The following NXPH4 variants were observed in gnomAD, a reference collection of about 807,000 sequenced individuals.
NXPH4 encodes neurexophilin 4.
Under a neutral mutation model 21.3 loss-of-function variants are expected in NXPH4, and 8 were observed. That is an observed-to-expected ratio of 0.38 (90% confidence interval 0.22 to 0.68). The LOEUF (loss-of-function observed/expected upper bound fraction) is 0.68, where lower values mean the gene tolerates loss of function less well. Among genes scored for constraint, NXPH4 ranks in the 30% least tolerant of loss-of-function variants. The pLI is 0.53. For synonymous variants in NXPH4, 219 were observed against 192.6 expected (o/e 1.14, Z -1.13); for missense variants, 418 against 416.8 (o/e 1.00, Z -0.03).
chr12:57,218,423 G>A (rs540363985), intron 1 of NXPH4, among the ~76,000 whole-genome samples: 5 of 152,180 alleles, frequency 3.3e-5, no homozygotes, highest in African/African-American at 9.7e-5. Flanking sequence ...AGTGGGGGGG[G>A]TCTGTGCCCT....
rs1164455277 is a variant in NXPH4 at position 57,218,154 on chromosome 12, T to C, written c.57+1128T>C. Among the ~76,000 whole-genome samples, 12 of 152,292 alleles carry C rather than the reference T, an allele frequency of 7.9e-5. No individual in the cohort carries two copies. The East Asian group carries it at 2.3e-3, about 29-fold the overall frequency. On this transcript the variant is annotated intron_variant, in intron 1 of 1. Coordinates refer to ENST00000349394, the MANE Select transcript of NXPH4 (RefSeq NM_007224.4). ...CCTCATTCTCTGTACCCTCAGCCCC[T>C]GTAGAGTCTAGAAGGGGTGTATTTC... is the stretch of plus-strand genomic sequence containing the variant.
intron 1 of NXPH4, 82 bp downstream of exon 1, chr12:57,217,108 G>A: frequency 8.5e-7 from 1 of 1,173,662 alleles, no homozygotes; most frequent in Non-Finnish European, 1.2e-6. Context: ...GGCTCCGTGC[G>A]CCCGCCCCGC....
At position 57,225,046 on chromosome 12, in the gene NXPH4, G is replaced by T; in HGVS notation, c.226G>T (p.Ala76Ser). Residue 76 changes from alanine (A) to serine (S), a missense_variant, in exon 2 of 2, where the codon GCG (alanine) becomes TCG (serine). Coordinates refer to ENST00000349394, the MANE Select transcript of NXPH4 (RefSeq NM_007224.4). ...GGCCTGGCCGACCAACCACACGGGG[G>T]CGCTGGCCCGGGCAGGGGCAGCCGG... ...SWAWPTNHTG[A>S]LARAGAAGAL... 6.8e-7 allele frequency: 1 copy of T among 1,478,882 alleles called. No homozygotes were observed. Among genetic ancestry groups the T allele is most frequent in the Non-Finnish European group, 9.0e-7 (1 of 1,112,738 alleles). The allele number at this position is 1,478,882 out of a possible 1,614,324, so 91.6% of individuals were successfully genotyped here.
Position 57,216,879 on chromosome 12 carries a change from C to T in NXPH4, c.-91C>T, listed in dbSNP as rs2037043648. 1 of 853,134 alleles carries T rather than the reference C, an allele frequency of 1.2e-6. No individual in the cohort carries two copies. The highest frequency in any genetic ancestry group is 1.5e-6 in the Non-Finnish European group (1 of 680,468). The allele number at this position is 853,134 out of a possible 1,614,324, so 52.8% of individuals were successfully genotyped here. Reference sequence around the variant, plus strand: ...GCCGCTCCCGCCGCTCCCGCAGCCGCCCCGCCGCCCGCCCGGAGCCCCGCG... The same window carrying T: ...GCCGCTCCCGCCGCTCCCGCAGCCGTCCCGCCGCCCGCCCGGAGCCCCGCG... On this transcript the variant is annotated 5_prime_UTR_variant, in exon 1 of 2. Transcript: ENST00000349394. The surrounding 1 kb of genome is among the most constrained non-coding windows in gnomAD (Gnocchi z 5.3).
At chr12:57,222,515 TA>T (rs1461347253) in intron 1 of NXPH4, among the ~76,000 whole-genome samples, 7 of 152,184 alleles carry the variant, frequency 4.6e-5, no homozygotes, top group East Asian at 3.9e-4. Context: ...GGCATGGGGA[TA>T]GGGGGGACCT....
intron 1 of NXPH4, among the ~76,000 whole-genome samples, chr12:57,220,251 TCCTCCA>T (rs2037077666): frequency 6.6e-6 from 1 of 151,614 alleles, no homozygotes; most frequent in South Asian, 2.1e-4. Flanking sequence ...CGCCTGCCCC[TCCTCCA>T]CCTCCACCCC....
At chr12:57,221,435 G>C (rs1207654847) in intron 1 of NXPH4, 1 of 441,262 alleles carries the variant, frequency 2.3e-6, no homozygotes, top group Non-Finnish European at 4.6e-6. Context: ...CGGCTGGGGG[G>C]CTGACAGCCT....
chr12:57,217,483 G>A (rs2037051933), intron 1 of NXPH4, among the ~76,000 whole-genome samples: 1 of 152,210 alleles, frequency 6.6e-6, no homozygotes, highest in South Asian at 2.1e-4. Flanking sequence ...TCTGTGTCGG[G>A]AGCATCCATG....
chr12:57,224,837 G>A lies in NXPH4; in HGVS notation c.58-41G>A, dbSNP rs2037125326. ...ATAGGGCTCTGGCAGGATGGCGGGGGACAACCCCAGCGTCTCTCTCTCCTC... is the reference window on the plus strand; with the variant it reads ...ATAGGGCTCTGGCAGGATGGCGGGGAACAACCCCAGCGTCTCTCTCTCCTC... On this transcript the variant is annotated intron_variant, in intron 1 of 1. Coordinates refer to ENST00000349394, the MANE Select transcript of NXPH4 (RefSeq NM_007224.4). 5 of 625,344 alleles carry A rather than the reference G, an allele frequency of 8.0e-6. No individual in the cohort carries two copies. The East Asian group carries it at 1.5e-4, about 19-fold the overall frequency. The allele number at this position is 625,344 out of a possible 1,614,324, so 38.7% of individuals were successfully genotyped here. A position where few individuals can be genotyped will look rare whatever the true frequency, so the allele number is the denominator to read the frequency against.
chr12:57,225,389 G>C lies in NXPH4; in HGVS notation c.569G>C (p.Gly190Ala). The change falls in exon 2 of 2, where the codon GGG becomes GCG. Residue 190 changes from glycine to alanine, a missense_variant. Transcript: ENST00000349394. ...CTGGAGGGGGTGCTTCCTGGGCTGG[G>C]GCCCCCGCTGGGGATGGCAGCAGCA... Reference protein sequence around the residue: ...LALEGVLPGLGPPLGMAAAAA... With the variant: ...LALEGVLPGLAPPLGMAAAAA... 2 of 1,596,598 alleles carry C rather than the reference G, an allele frequency of 1.3e-6. No individual in the cohort carries two copies. Among genetic ancestry groups the C allele is most frequent in the South Asian group, 1.1e-5 (1 of 89,510 alleles).
chr12:57,216,821 T>G lies in NXPH4; in HGVS notation c.-149T>G. 4.0e-6 allele frequency: 1 copy of G among 251,162 alleles called. No individual in the cohort carries two copies. Among genetic ancestry groups the G allele is most frequent in the Non-Finnish European group, 5.1e-6 (1 of 195,442 alleles). 15.6% of individuals were successfully genotyped at this position (251,162 alleles called of 1,614,324 possible). On this transcript the variant is annotated 5_prime_UTR_variant, in exon 1 of 2. Transcript: ENST00000349394. This position sits in a 1 kb window ranked among gnomAD's most constrained non-coding sequence, Gnocchi z 5.3. Reference sequence around the variant, plus strand: ...CGCCGGCTCCGCGCCTCGCGCCCAGTCCGCGGGCCGCGCCGCCGCTCCCGC... The same window carrying G: ...CGCCGGCTCCGCGCCTCGCGCCCAGGCCGCGGGCCGCGCCGCCGCTCCCGC...
chr12:57,221,211 C>G (rs755673069), intron 1 of NXPH4: 2 of 404,112 alleles, frequency 4.9e-6, no homozygotes, highest in African/African-American at 4.1e-5. Context: ...CATCTCTATC[C>G]CTCGTTCCCA....
rs565069130 is a variant in NXPH4, at chr12:57,220,175, A to T, written c.57+3149A>T. Among the ~76,000 whole-genome samples, 4 of 152,214 alleles carry T rather than the reference A, an allele frequency of 2.6e-5. No homozygotes were observed. The South Asian group carries it at 8.3e-4, about 32-fold the overall frequency. On this transcript the variant is annotated intron_variant, in intron 1 of 1. Transcript: ENST00000349394. ...GGCGTGGGGTGGGAAGCAGCTGCCC[A>T]GTGGGGATGGGGAGCAGGGAGCGCT...
rs370212931 is a variant in NXPH4, at chr12:57,220,557, G to C, written c.57+3531G>C. ...AGGCAGGCAGGGGTAGAGGGAGGGG[G>C]CGTCCAGCCCAAGGGCAGAGCCTAC... On this transcript the variant is annotated intron_variant, in intron 1 of 1. Transcript: ENST00000349394. Among the ~76,000 whole-genome samples the C allele has an allele frequency of 1.3e-4, 20 of 152,320 alleles. 1 individual carries two copies. Among genetic ancestry groups the C allele is most frequent in the African/African-American group, 4.6e-4 (19 of 41,564 alleles).
chr12:57,225,672 C>G lies in NXPH4; in HGVS notation c.852C>G (p.Leu284=), dbSNP rs763979853. 6.2e-7 allele frequency: 1 copy of G among 1,613,966 alleles called. No homozygotes were observed. Among genetic ancestry groups the G allele is most frequent in the East Asian group, 2.2e-5 (1 of 44,882 alleles). The change falls in exon 2 of 2, where the codon CTC becomes CTG. Residue 284 remains leucine, a synonymous_variant. Transcript: ENST00000349394. The part of the protein sequence containing the change: ...FKVICIFVSF[L]SFDYKLVQKV... ...TCATCTGTATCTTCGTCTCTTTCCT[C>G]AGCTTTGACTACAAACTGGTGCAGA... is the stretch of plus-strand genomic sequence containing the variant.
chr12:57,216,881 C>A lies in NXPH4; in HGVS notation c.-89C>A. ...CGCTCCCGCCGCTCCCGCAGCCGCC[C>A]CGCCGCCCGCCCGGAGCCCCGCGTC... On this transcript the variant is annotated 5_prime_UTR_variant, in exon 1 of 2. Coordinates refer to ENST00000349394, the MANE Select transcript of NXPH4 (RefSeq NM_007224.4). The surrounding 1 kb of genome is among the most constrained non-coding windows in gnomAD (Gnocchi z 5.3). The A allele has an allele frequency of 1.1e-6, 1 of 892,142 alleles. No homozygotes were observed. 55.3% of individuals were successfully genotyped at this position (892,142 alleles called of 1,614,324 possible). A position where few individuals can be genotyped will look rare whatever the true frequency, so the allele number is the denominator to read the frequency against.
chr12:57,222,830 T>C (rs902580141), intron 1 of NXPH4, among the ~76,000 whole-genome samples: 5 of 151,948 alleles, frequency 3.3e-5, no homozygotes, highest in Non-Finnish European at 7.4e-5. Flanking sequence ...AGAGGAGGGA[T>C]GGATGGGAGG....
chr12:57,224,363 C>G (rs891052892), intron 1 of NXPH4, among the ~76,000 whole-genome samples: 4 of 152,172 alleles, frequency 2.6e-5, no homozygotes, highest in African/African-American at 9.7e-5. Context: ...CTCAGGCAAT[C>G]TGCCCACCTC....
At chr12:57,223,458 A>G (rs989826290) in intron 1 of NXPH4, among the ~76,000 whole-genome samples, 3 of 151,878 alleles carry the variant, frequency 2.0e-5, no homozygotes, top group African/African-American at 7.3e-5. Context: ...CAGACTCATA[A>G]CCATGGGCAT....
Sources: gnomAD v4.1 joint callset for allele counts (sites outside exome capture counted in the v4.1 genomes callset) on GRCh38, gnomAD v4.1.1 for gene constraint, Gnocchi (gnomAD v3.1) non-coding constraint, MANE v1.5 for transcripts, NCBI Gene and HGNC (gene_info 2026-07-23, HGNC 2026-07-21) for gene names.